Variants in PRKCQ observed in about 807,000 individuals in gnomAD.
The protein encoded by PRKCQ is protein kinase C theta.
A neutral mutation model predicts 91.2 loss-of-function variants in PRKCQ; 41 were observed. The observed-to-expected ratio is 0.45, with a 90% confidence interval of 0.35 to 0.58. The LOEUF is 0.58. Among genes scored for constraint, PRKCQ ranks in the 20% least tolerant of loss-of-function variants. The pLI, the probability that PRKCQ is intolerant of heterozygous loss-of-function variation, is 0.00. For missense variants in PRKCQ, 673 were observed against 896.5 expected (o/e 0.75, Z 3.18); for synonymous variants, 307 against 316.9 (o/e 0.97, Z 0.33).
At chr10:6,441,124 G>A (rs996043694) in intron 16 of PRKCQ, among the ~76,000 whole-genome samples, 1 of 152,092 alleles carries the variant, frequency 6.6e-6, no homozygotes, top group African/African-American at 2.4e-5. Flanking sequence ...CATACATCCT[G>A]TCCAAGATTT....
At chr10:6,404,198 GAA>G in the PRKCQ span, among the ~76,000 whole-genome samples, 11 of 126,752 alleles carry the variant, frequency 8.7e-5, no homozygotes, top group African/African-American at 3.0e-4. Context: ...GCATTAAAGA[GAA>G]AGAGAAAAGA....
intron 1 of PRKCQ, among the ~76,000 whole-genome samples, chr10:6,546,563 A>G (rs566167377): frequency 2.6e-5 from 4 of 152,248 alleles, no homozygotes; most frequent in African/African-American, 9.6e-5. Flanking sequence ...AATGCTTGTG[A>G]TTTTTGTACA....
intron 14 of PRKCQ, among the ~76,000 whole-genome samples, chr10:6,457,849 GCTTTC>G (rs1398229319): frequency 1.3e-5 from 2 of 152,012 alleles, no homozygotes; most frequent in Non-Finnish European, 2.9e-5. Flanking sequence ...GTGTTTTTCT[GCTTTC>G]CTTTATGAAG....
At chr10:6,568,500 C>CTTT (rs201701542) in intron 1 of PRKCQ, among the ~76,000 whole-genome samples, 1 of 139,090 alleles carries the variant, frequency 7.2e-6, no homozygotes, top group Non-Finnish European at 1.6e-5. Flanking sequence ...TTAGCTTAAC[C>CTTT]TTTTTTTTTT....
intron 11 of PRKCQ, among the ~76,000 whole-genome samples, chr10:6,482,593 T>G (rs757429619): frequency 1.4e-4 from 21 of 152,216 alleles, no homozygotes; most frequent in Non-Finnish European, 2.8e-4. Context: ...AGAACATGAA[T>G]TTCTGCTGTT....
Position 6,442,052 on chromosome 10 carries a change from A to G in PRKCQ, c.1677T>C (p.Ser559=), listed in dbSNP as rs746917590. The change falls in exon 16 of 18, where the codon TCT becomes TCC. Residue 559 remains serine, a synonymous_variant. Transcript: ENST00000263125. ...GAACCCCGAAGGACCACCAGTCCAC[A>G]GAGTGGTTGTATTTCTGACCCAGCA... ...EILLGQKYNH[S]VDWWSFGVLL... is the part of the protein sequence containing the mutation. 5.8e-5 allele frequency: 94 copies of G among 1,613,720 alleles called. 1 individual carries two copies. In the South Asian group the frequency reaches 1.0e-3, roughly 17 times the overall value.
intron 15 of PRKCQ, among the ~76,000 whole-genome samples, chr10:6,443,440 G>T (rs1042667687): frequency 6.6e-6 from 1 of 152,208 alleles, no homozygotes; most frequent in African/African-American, 2.4e-5. Context: ...AATGGATACA[G>T]AAACTGTGCT....
At chr10:6,502,996 ATC>A (rs1838001517) in intron 4 of PRKCQ, among the ~76,000 whole-genome samples, 1 of 152,202 alleles carries the variant, frequency 6.6e-6, no homozygotes, top group Non-Finnish European at 1.5e-5. Context: ...ATCTAATACC[ATC>A]TGTTTGTAAC....
chr10:6,439,583 CT>C (rs1833867549), intron 16 of PRKCQ, among the ~76,000 whole-genome samples: 2 of 152,192 alleles, frequency 1.3e-5, no homozygotes, highest in South Asian at 4.1e-4. Context: ...CCAACTCCCC[CT>C]CTTCCTCAGC....
At chr10:6,534,780 A>ATCTATCTATC (rs1564379006) in intron 1 of PRKCQ, among the ~76,000 whole-genome samples, 39 of 140,280 alleles carry the variant, frequency 2.8e-4, no homozygotes, top group African/African-American at 1.0e-3. Context: ...ATATCTATAT[A>ATCTATCTATC]TATATATATA....
At chr10:6,464,244 A>C in intron 13 of PRKCQ, 69 bp downstream of exon 13, 1 of 1,430,264 alleles carries the variant, frequency 7.0e-7, no homozygotes, top group Non-Finnish European at 9.7e-7. Context: ...AGTGGGAAAA[A>C]AGGAAAAAAA....
intron 16 of PRKCQ, among the ~76,000 whole-genome samples, chr10:6,440,644 C>T (rs974770922): frequency 1.3e-5 from 2 of 152,098 alleles, no homozygotes; most frequent in Admixed American, 6.5e-5. Flanking sequence ...CTGCCAATCA[C>T]GAGCTCTGAG....
chr10:6,477,257 G>A (rs963436066), intron 12 of PRKCQ, among the ~76,000 whole-genome samples: 4 of 152,210 alleles, frequency 2.6e-5, no homozygotes, highest in South Asian at 2.1e-4. Context: ...TCTTATTAGA[G>A]TGTGAAGTTC....
chr10:6,436,279 A>G (rs930707293), intron 16 of PRKCQ, among the ~76,000 whole-genome samples: 1 of 152,208 alleles, frequency 6.6e-6, no homozygotes, highest in African/African-American at 2.4e-5. Context: ...GGTGTTTGCA[A>G]GGCATTTAGC....
chr10:6,457,038 C>T (rs1190037228), intron 14 of PRKCQ, among the ~76,000 whole-genome samples: 1 of 152,146 alleles, frequency 6.6e-6, no homozygotes, highest in African/African-American at 2.4e-5. Flanking sequence ...AGGGGTGCAG[C>T]TCAGTATAAG....
At chr10:6,507,277 AAAGT>A (rs1838248364) in intron 4 of PRKCQ, among the ~76,000 whole-genome samples, 155 bp downstream of exon 4, 1 of 152,222 alleles carries the variant, frequency 6.6e-6, no homozygotes, top group Non-Finnish European at 1.5e-5. Flanking sequence ...AGTGTCTTTT[AAAGT>A]CATGCCTGAG....
chr10:6,491,283 G>A (rs1837280811), intron 8 of PRKCQ, among the ~76,000 whole-genome samples: 1 of 152,242 alleles, frequency 6.6e-6, no homozygotes, highest in Admixed American at 6.5e-5. Flanking sequence ...TGGTGCAAAG[G>A]AGAAGGGTTA....
intron 7 of PRKCQ, among the ~76,000 whole-genome samples, chr10:6,496,389 G>A (rs961851396): frequency 9.9e-5 from 15 of 151,936 alleles, no homozygotes; most frequent in Admixed American, 7.2e-4. Context: ...ATACCTCAAC[G>A]TTTACTCTAA....
chr10:6,535,585 G>A (rs1362080795), intron 1 of PRKCQ, among the ~76,000 whole-genome samples: 1 of 152,034 alleles, frequency 6.6e-6, no homozygotes, highest in Non-Finnish European at 1.5e-5. Context: ...AAGGAAGTAG[G>A]CAAGGAATTC....
Sources: gnomAD v4.1 joint callset for allele counts (sites outside exome capture counted in the v4.1 genomes callset) on GRCh38, gnomAD v4.1.1 for gene constraint, MANE v1.5 for transcripts, NCBI Gene and HGNC (gene_info 2026-07-23, HGNC 2026-07-21) for gene names.